The following NRG3 variants were observed in gnomAD, a reference collection of about 807,000 sequenced individuals.
The protein encoded by NRG3 is neuregulin 3.
In NRG3, 31 loss-of-function variants were observed where a neutral mutation model predicts 66.9. The ratio of observed to expected loss-of-function variants is 0.46; its 90% CI spans 0.35 to 0.63. The LOEUF (loss-of-function observed/expected upper bound fraction) is 0.63. Among genes scored for constraint, NRG3 ranks in the 20% least tolerant of loss-of-function variants. The probability of loss-of-function intolerance (pLI) is 0.00; values close to 1 mark genes in which losing one functional copy is unlikely to be tolerated. For synonymous variants in NRG3, 393 were observed against 359.4 expected, an observed-to-expected ratio of 1.09 and a Z score of -1.06; for missense variants, 910 against 878.9, an observed-to-expected ratio of 1.04 and a Z score of -0.45.
intron 4 of NRG3, among the ~76,000 whole-genome samples, chr10:82,929,478 A>G (rs530591985): frequency 1.6e-3 from 249 of 152,308 alleles, no homozygotes; most frequent in African/African-American, 5.8e-3. Context: ...TTTACTGGTT[A>G]AATTTTATTC....
chr10:82,067,540 T>A (rs989088574), intron 1 of NRG3, among the ~76,000 whole-genome samples: 50 of 152,078 alleles, frequency 3.3e-4, no homozygotes, highest in Non-Finnish European at 2.5e-4. Context: ...TAGAGACGGG[T>A]TTTCGCCATG....
chr10:82,601,385 A>G (rs553230332), intron 2 of NRG3, among the ~76,000 whole-genome samples: 3 of 152,316 alleles, frequency 2.0e-5, no homozygotes, highest in East Asian at 1.9e-4. Context: ...ATTTGTGGCT[A>G]TCACAAAAAT....
At chr10:82,973,623 C>A (rs1489010360) in intron 6 of NRG3, among the ~76,000 whole-genome samples, 165 bp from the exon 7 acceptor site, 2 of 152,110 alleles carry the variant, frequency 1.3e-5, no homozygotes, top group African/African-American at 4.8e-5. Context: ...GGTGAATACT[C>A]AATGTATTGG....
rs192247580 is a variant in NRG3, at chr10:82,090,795, C to T, written c.823+214632C>T. ...GAATCCGATAACATGGCAGAAATAACGTTTGGTTTGGGACTAAAAACATCC... is the reference window on the plus strand; with the variant it reads ...GAATCCGATAACATGGCAGAAATAATGTTTGGTTTGGGACTAAAAACATCC... On this transcript the variant is annotated intron_variant, in intron 1 of 8. Transcript: ENST00000372141. 2.6e-5 allele frequency among the ~76,000 whole-genome samples: 4 copies of T among 152,228 alleles called. No individual in the cohort carries two copies. The East Asian group carries it at 7.7e-4, about 29-fold the overall frequency.
At chr10:82,268,821 C>T (rs2078439604) in intron 1 of NRG3, among the ~76,000 whole-genome samples, 1 of 152,040 alleles carries the variant, frequency 6.6e-6, no homozygotes, top group Admixed American at 6.6e-5. Flanking sequence ...TAATCAAGAC[C>T]ATCTCTAAGG....
intron 2 of NRG3, among the ~76,000 whole-genome samples, chr10:82,604,737 C>T (rs2047854494): frequency 6.6e-6 from 1 of 152,122 alleles, no homozygotes; most frequent in African/African-American, 2.4e-5. Flanking sequence ...AAACACAATT[C>T]AATGGAGAAA....
At chr10:82,012,534 A>G (rs1259521997) in intron 1 of NRG3, among the ~76,000 whole-genome samples, 2 of 152,090 alleles carry the variant, frequency 1.3e-5, no homozygotes, top group African/African-American at 4.8e-5. Context: ...TTTCTATCAC[A>G]TTGTCAGGCA....
intron 3 of NRG3, among the ~76,000 whole-genome samples, chr10:82,820,801 TAC>T (rs2061919042): frequency 6.6e-6 from 1 of 152,230 alleles, no homozygotes; most frequent in Non-Finnish European, 1.5e-5. Context: ...ACTCTTAGCA[TAC>T]ATTCCCTACT....
chr10:81,900,475 T>G (rs1843959288), intron 1 of NRG3, among the ~76,000 whole-genome samples: 1 of 152,260 alleles, frequency 6.6e-6, no homozygotes, highest in Admixed American at 6.5e-5. Flanking sequence ...ATTACAAGTT[T>G]GCAGAACTCC....
intron 2 of NRG3, among the ~76,000 whole-genome samples, chr10:82,396,251 G>A (rs954376939): frequency 1.3e-5 from 2 of 151,728 alleles, no homozygotes; most frequent in African/African-American, 4.8e-5. Context: ...CATCCTTCTT[G>A]TCACTACCAC....
chr10:82,724,424 G>C (rs370883995), intron 2 of NRG3, among the ~76,000 whole-genome samples: 1 of 152,154 alleles, frequency 6.6e-6, no homozygotes, highest in African/African-American at 2.4e-5. Flanking sequence ...TCTGATCAAA[G>C]CTGCCCACTT....
intron 1 of NRG3, among the ~76,000 whole-genome samples, chr10:82,063,273 C>G (rs1253786377): frequency 6.6e-6 from 1 of 150,910 alleles, no homozygotes; most frequent in Non-Finnish European, 1.5e-5. Flanking sequence ...TTTACAGTCT[C>G]AAGTTTCTGT....
At chr10:82,824,223 T>C (rs559351063) in intron 3 of NRG3, among the ~76,000 whole-genome samples, 1 of 152,366 alleles carries the variant, frequency 6.6e-6, no homozygotes, top group African/African-American at 2.4e-5. Context: ...ATTATTTTTA[T>C]TGTCAAATAA....
chr10:82,826,786 T>G (rs2484450), intron 3 of NRG3, among the ~76,000 whole-genome samples: 29,129 of 151,524 alleles, frequency 0.19, 3,010 homozygotes, highest in East Asian at 0.32. Flanking sequence ...AGGGTGAAAA[T>G]CAAAAACTAC....
chr10:82,391,215 C>T (rs1051445679), intron 2 of NRG3, among the ~76,000 whole-genome samples: 2 of 152,102 alleles, frequency 1.3e-5, no homozygotes, highest in African/African-American at 4.8e-5. Context: ...TCAAAGAGCC[C>T]TGGTTTGGGT....
rs148189053 is a variant in NRG3, at chr10:82,162,727, A to G, written c.824-196012A>G. ...AGCAACGGAGATATGTAACTATGGG[A>G]TGTGTTGCTTTCAAGAGAATTGCAA... On this transcript the variant is annotated intron_variant, in intron 1 of 8. Coordinates refer to ENST00000372141, the MANE Select transcript of NRG3 (RefSeq NM_001010848.4). Among the ~76,000 whole-genome samples, 582 of 152,258 alleles carry G rather than the reference A, an allele frequency of 3.8e-3. 8 individuals carry two copies. Among genetic ancestry groups the G allele is most frequent in the African/African-American group, 0.013 (549 of 41,558 alleles).
intron 2 of NRG3, among the ~76,000 whole-genome samples, chr10:82,385,970 A>C (rs1334057201): frequency 6.6e-6 from 1 of 152,182 alleles, no homozygotes; most frequent in Admixed American, 6.5e-5. Flanking sequence ...CAAAAAAATA[A>C]AACAGATAAA....
intron 1 of NRG3, chr10:82,230,475 G>A (rs913442316): frequency 2.6e-5 from 4 of 151,960 alleles, no homozygotes; most frequent in South Asian, 2.1e-4. Flanking sequence ...TCAGGAAAAG[G>A]CAGTGTAACC....
intron 1 of NRG3, among the ~76,000 whole-genome samples, chr10:82,171,352 C>T (rs1034703874): frequency 1.4e-5 from 2 of 144,310 alleles, no homozygotes; most frequent in African/African-American, 4.9e-5. Flanking sequence ...ACATGTCCTC[C>T]GAGCCACACC....
Sources: allele counts gnomAD v4.1 joint callset (sites outside exome capture counted in the v4.1 genomes callset), GRCh38; gene constraint gnomAD v4.1.1; transcripts MANE v1.5; gene names NCBI Gene and HGNC (gene_info 2026-07-23, HGNC 2026-07-21).